The following PDE4B variants were observed in gnomAD, a reference collection of about 807,000 sequenced individuals.
PDE4B encodes phosphodiesterase 4B.
A neutral mutation model predicts 82.2 loss-of-function variants in PDE4B; 20 were observed. That is an observed-to-expected ratio of 0.24 (90% CI 0.17 to 0.35). The LOEUF (loss-of-function observed/expected upper bound fraction) is 0.35. Ranked by LOEUF, PDE4B falls within the 10% of genes least tolerant of loss-of-function variation. The pLI is 1.00. For synonymous variants in PDE4B, 320 were observed against 318.9 expected, an observed-to-expected ratio of 1.00 and a Z score of -0.04; for missense variants, 655 against 907.2, an observed-to-expected ratio of 0.72 and a Z score of 3.57.
At chr1:66,142,636 A>C (rs1169387136) in intron 3 of PDE4B, among the ~76,000 whole-genome samples, 2 of 152,212 alleles carry the variant, frequency 1.3e-5, no homozygotes, top group Non-Finnish European at 2.9e-5. Context: ...TGAATGGAAA[A>C]ATCCAGAAAC....
At chr1:65,839,062 T>C (rs1479596375) in intron 1 of PDE4B, among the ~76,000 whole-genome samples, 1 of 152,148 alleles carries the variant, frequency 6.6e-6, no homozygotes, top group African/African-American at 2.4e-5. Context: ...GTGTGTAAGA[T>C]ATCGAATTTT....
At chr1:65,833,734 A>G (rs146960900) in intron 1 of PDE4B, among the ~76,000 whole-genome samples, 3 of 152,336 alleles carry the variant, frequency 2.0e-5, no homozygotes, top group Non-Finnish European at 2.9e-5. Context: ...ATGTTATATA[A>G]AAATTCATCT....
chr1:66,273,454 G>A (rs1655654134), intron 7 of PDE4B, among the ~76,000 whole-genome samples: 1 of 152,186 alleles, frequency 6.6e-6, no homozygotes, highest in Non-Finnish European at 1.5e-5. Context: ...CAGGGCCTGG[G>A]CCCTGATATA....
chr1:65,965,334 T>A (rs12562632), intron 3 of PDE4B, among the ~76,000 whole-genome samples: 41,319 of 151,908 alleles, frequency 0.27, 5,887 homozygotes, highest in East Asian at 0.45. Context: ...CAAACTTCAG[T>A]GAAATTGGTG....
intron 7 of PDE4B, among the ~76,000 whole-genome samples, chr1:66,274,420 T>G (rs1655732776): frequency 6.6e-6 from 1 of 151,770 alleles, no homozygotes; most frequent in Non-Finnish European, 1.5e-5. Flanking sequence ...TGATCCACCC[T>G]CCTCGGCCTC....
chr1:66,275,531 TA>T lies in PDE4B; in HGVS notation c.634+9450del, dbSNP rs1217069241. On this transcript the variant is annotated intron_variant, in intron 7 of 16. Transcript: ENST00000341517. The stretch of plus-strand genomic sequence containing the variant: ...CTCTCTTTATTGGAAGGGAGGGAGA[TA>T]AAAAAGGAGGTTGGAGTTAGCCTAG... Among the ~76,000 whole-genome samples, 4 of 152,144 alleles carry T rather than the reference TA, an allele frequency of 2.6e-5. No individual in the cohort carries two copies. The South Asian group carries it at 8.3e-4, about 32-fold the overall frequency.
chr1:66,008,623 T>C (rs545028678), intron 3 of PDE4B, among the ~76,000 whole-genome samples: 2 of 152,282 alleles, frequency 1.3e-5, no homozygotes, highest in Admixed American at 1.3e-4. Context: ...TTCTCCCTTA[T>C]AAGCAAAACT....
chr1:66,346,238 T>C (rs1381219699), intron 8 of PDE4B, among the ~76,000 whole-genome samples: 1 of 152,234 alleles, frequency 6.6e-6, no homozygotes, highest in African/African-American at 2.4e-5. Context: ...AATTAATTCA[T>C]ATGTGTTACC....
At chr1:65,953,158 C>T (rs1334669114) in intron 3 of PDE4B, among the ~76,000 whole-genome samples, 1 of 152,016 alleles carries the variant, frequency 6.6e-6, no homozygotes, top group Non-Finnish European at 1.5e-5. Context: ...CCTTCTGTCA[C>T]CTAGGATATT....
At position 66,372,179 on chromosome 1, in the gene PDE4B, C is replaced by T. The variant is rs1000837415; in HGVS notation, c.1846-134C>T. 9 of 903,468 alleles carry T rather than the reference C, an allele frequency of 1.0e-5. No homozygotes were observed. The Admixed American group carries it at 1.9e-4, about 19-fold the overall frequency. The allele number at this position is 903,468 out of a possible 1,614,324, so 56.0% of individuals were successfully genotyped here. Reference sequence around the variant, plus strand: ...TGTAAGACCCACTGTATTGTGAGTGCCCAAATCATGGAATCCATTATGATT... The same window carrying T: ...TGTAAGACCCACTGTATTGTGAGTGTCCAAATCATGGAATCCATTATGATT... On this transcript the variant is annotated intron_variant, in intron 16 of 16. Transcript: ENST00000341517.
chr1:66,240,472 C>A (rs1225131421), intron 3 of PDE4B, among the ~76,000 whole-genome samples: 3 of 152,154 alleles, frequency 2.0e-5, no homozygotes, highest in Non-Finnish European at 2.9e-5. Flanking sequence ...GATGGTGTTT[C>A]CCGGTGAAGT....
chr1:66,224,723 T>A (rs1264002258), intron 3 of PDE4B, among the ~76,000 whole-genome samples: 1 of 151,754 alleles, frequency 6.6e-6, no homozygotes, highest in Admixed American at 6.6e-5. Context: ...GCCTCAAAAA[T>A]AATAATAATA....
At chr1:65,805,018 GC>G (rs1645739161) in intron 1 of PDE4B, among the ~76,000 whole-genome samples, 2 of 152,100 alleles carry the variant, frequency 1.3e-5, no homozygotes, top group South Asian at 4.2e-4. Flanking sequence ...AGGCTGGGGT[GC>G]AGTGGTACGA....
intron 3 of PDE4B, among the ~76,000 whole-genome samples, chr1:65,974,206 G>A (rs1286793510): frequency 3.3e-5 from 5 of 152,040 alleles, no homozygotes; most frequent in South Asian, 2.1e-4. Flanking sequence ...TACATGTGGC[G>A]ATAATAAAGT....
At position 66,332,286 on chromosome 1, in the gene PDE4B, G is replaced by T. The variant is rs966180799; in HGVS notation, c.635-222G>T. ...TAGATCACCGACACCTCATCCAGGC[G>T]GGGGGTTGGGGGGAAACTTGGCACC... On this transcript the variant is annotated intron_variant, in intron 7 of 16. Transcript: ENST00000341517. 4.0e-6 allele frequency: 6 copies of T among 1,511,280 alleles called. No individual in the cohort carries two copies. In the East Asian group the frequency reaches 9.5e-5, roughly 24 times the overall value. 93.6% of individuals were successfully genotyped at this position (1,511,280 alleles called of 1,614,324 possible). A position where few individuals can be genotyped will look rare whatever the true frequency, so the allele number is the denominator to read the frequency against.
chr1:66,143,063 G>A (rs1423239634), intron 3 of PDE4B, among the ~76,000 whole-genome samples: 1 of 152,220 alleles, frequency 6.6e-6, no homozygotes, highest in Non-Finnish European at 1.5e-5. Flanking sequence ...GAGCCACACA[G>A]CTGATTAGAG....
chr1:66,002,596 A>G (rs1329846387), intron 3 of PDE4B, among the ~76,000 whole-genome samples: 1 of 151,876 alleles, frequency 6.6e-6, no homozygotes. Flanking sequence ...TATATATGAA[A>G]CACTATATAA....
chr1:65,900,998 A>G (rs1223787051), intron 1 of PDE4B, among the ~76,000 whole-genome samples: 4 of 152,036 alleles, frequency 2.6e-5, no homozygotes, highest in East Asian at 1.9e-4. Flanking sequence ...ATGTTGAATA[A>G]GAGTAGTGAG....
intron 1 of PDE4B, among the ~76,000 whole-genome samples, chr1:65,796,736 G>A (rs1398613222): frequency 7.1e-6 from 1 of 141,490 alleles, no homozygotes; most frequent in African/African-American, 2.6e-5. Context: ...TGCAAACTCT[G>A]CCTCCTGAGT....
Sources: gnomAD v4.1 joint callset for allele counts (sites outside exome capture counted in the v4.1 genomes callset) on GRCh38, gnomAD v4.1.1 for gene constraint, MANE v1.5 for transcripts, NCBI Gene and HGNC (gene_info 2026-07-23, HGNC 2026-07-21) for gene names.